Variants in WIPF1 observed in about 807,000 individuals in gnomAD.
The protein encoded by WIPF1 is WAS/WASL-interacting protein family member 1.
Under a neutral mutation model 35.4 loss-of-function variants are expected in WIPF1, and 13 were observed. The observed-to-expected ratio is 0.37, with a 90% CI of 0.24 to 0.58. WIPF1 has a LOEUF of 0.58. Ranked by LOEUF, WIPF1 falls within the 20% of genes least tolerant of loss-of-function variation. The pLI, the probability that WIPF1 is intolerant of heterozygous loss-of-function variation, is 0.74. For missense variants in WIPF1, 591 were observed against 667.0 expected, an observed-to-expected ratio of 0.89 and a Z score of 1.25; for synonymous variants, 267 against 266.3, an observed-to-expected ratio of 1.00 and a Z score of -0.02.
At chr2:174,657,424 C>A (rs748273850) in intron 1 of WIPF1, among the ~76,000 whole-genome samples, 1 of 152,118 alleles carries the variant, frequency 6.6e-6, no homozygotes, top group Non-Finnish European at 1.5e-5. Flanking sequence ...CAGGAACAAG[C>A]CAGCGGCTTG....
chr2:174,674,182 A>G (rs1391909266), intron 1 of WIPF1, among the ~76,000 whole-genome samples: 1 of 152,236 alleles, frequency 6.6e-6, no homozygotes, highest in East Asian at 1.9e-4. Context: ...AATAAGCAGG[A>G]GCAATGAGCG....
At chr2:174,584,433 G>T (rs1221623430) in intron 2 of WIPF1, among the ~76,000 whole-genome samples, 2 of 152,174 alleles carry the variant, frequency 1.3e-5, no homozygotes, top group African/African-American at 4.8e-5. Flanking sequence ...CCAAGCCTCA[G>T]TTTCCCCATG....
At chr2:174,643,423 G>A (rs929731648) in intron 1 of WIPF1, among the ~76,000 whole-genome samples, 1 of 149,006 alleles carries the variant, frequency 6.7e-6, no homozygotes, top group African/African-American at 2.6e-5. Context: ...TTGTGTGTGT[G>A]TGTGTGTGAG....
At chr2:174,642,547 C>T (rs1687320442) in intron 1 of WIPF1, among the ~76,000 whole-genome samples, 1 of 151,996 alleles carries the variant, frequency 6.6e-6, no homozygotes, top group African/African-American at 2.4e-5. Context: ...AGGGGTTTCA[C>T]TGTGTTAGCC....
intron 1 of WIPF1, among the ~76,000 whole-genome samples, chr2:174,663,287 G>T (rs1241230103): frequency 2.6e-5 from 4 of 152,112 alleles, no homozygotes; most frequent in Admixed American, 2.6e-4. Flanking sequence ...ACCTCCAAGG[G>T]GTGCAGAGGA....
At chr2:174,566,263 A>C (rs1684656399) in intron 7 of WIPF1, 1 of 152,192 alleles carries the variant, frequency 6.6e-6, no homozygotes, top group Admixed American at 6.5e-5. Flanking sequence ...CAAATTCTCA[A>C]AGAGCTGTAA....
intron 4 of WIPF1, 51 bp from the exon 5 acceptor site, chr2:174,572,497 A>C (rs1263477353): frequency 6.2e-7 from 1 of 1,608,938 alleles, no homozygotes; most frequent in East Asian, 2.2e-5. Context: ...ACCCTGAAGA[A>C]ATCAGAGAGC....
In WIPF1 at chr2:174,561,975, T is replaced by C; in HGVS notation, c.*572A>G. The C allele has an allele frequency of 7.6e-7, 1 of 1,313,214 alleles. No homozygotes were observed. Among genetic ancestry groups the C allele is most frequent in the Non-Finnish European group, 1.0e-6 (1 of 956,794 alleles). 81.3% of individuals were successfully genotyped at this position (1,313,214 alleles called of 1,614,324 possible). On this transcript the variant is annotated 3_prime_UTR_variant, in exon 8 of 8. Transcript: ENST00000679041. ...GCATATTAACTTCACTTGTTTAAAA[T>C]ATATTAGAAATGTAAAAATTGTATA... is the stretch of plus-strand genomic sequence containing the variant.
chr2:174,576,230 C>CAAAAAAAAAAAAAAAAAAAAAAAA (rs66562213), intron 3 of WIPF1, among the ~76,000 whole-genome samples: 4 of 98,958 alleles, frequency 4.0e-5, no homozygotes, highest in African/African-American at 1.7e-4. Flanking sequence ...TGCACTCCAG[C>CAAAAAAAAAAAAAAAAAAAAAAAA]AAAAAAAAAA....
At chr2:174,633,714 G>A (rs1239819907) in intron 1 of WIPF1, among the ~76,000 whole-genome samples, 4 of 152,162 alleles carry the variant, frequency 2.6e-5, no homozygotes, top group African/African-American at 7.2e-5. Context: ...CCCTCTAGCC[G>A]TCTTTCTGGC....
intron 1 of WIPF1, among the ~76,000 whole-genome samples, chr2:174,657,564 C>T (rs370305912): frequency 1.3e-5 from 2 of 152,180 alleles, no homozygotes; most frequent in Admixed American, 6.5e-5. Context: ...ACATGAACTC[C>T]TTTCAAACAT....
At chr2:174,636,722 C>G (rs1364574672) in intron 1 of WIPF1, among the ~76,000 whole-genome samples, 1 of 152,128 alleles carries the variant, frequency 6.6e-6, no homozygotes, top group Non-Finnish European at 1.5e-5. Context: ...AAATACTGGT[C>G]TGGTATTTTG....
intron 1 of WIPF1, among the ~76,000 whole-genome samples, chr2:174,662,039 A>AGAGT (rs544412037): frequency 8.1e-4 from 123 of 152,296 alleles, no homozygotes; most frequent in African/African-American, 2.8e-3. Context: ...CCAAGTTGAC[A>AGAGT]GAGTCATCCC....
chr2:174,587,257 T>A (rs1685454712), intron 1 of WIPF1, among the ~76,000 whole-genome samples: 1 of 152,132 alleles, frequency 6.6e-6, no homozygotes, highest in Non-Finnish European at 1.5e-5. Flanking sequence ...CCTCATGCGA[T>A]CCTCCTGCCT....
chr2:174,586,349 T>G (rs560935960), intron 1 of WIPF1, among the ~76,000 whole-genome samples: 1 of 152,304 alleles, frequency 6.6e-6, no homozygotes, highest in South Asian at 2.1e-4. Context: ...AGAAATGCAT[T>G]TCATTTAGAA....
chr2:174,639,236 G>T (rs146303876), intron 1 of WIPF1, among the ~76,000 whole-genome samples: 3 of 152,240 alleles, frequency 2.0e-5, no homozygotes, highest in Admixed American at 6.5e-5. Flanking sequence ...CTTCTTTTGA[G>T]AAATGTCTAC....
In WIPF1 at chr2:174,642,872, T is replaced by C. The variant is rs943750637; in HGVS notation, c.-39+39902A>G. 3.9e-4 allele frequency among the ~76,000 whole-genome samples: 58 copies of C among 149,636 alleles called. 5 individuals are homozygous for C. Among genetic ancestry groups the C allele is most frequent in the African/African-American group, 1.2e-3 (48 of 39,000 alleles). ...CTTTGTTTTGCTTTATTTTATTAGC[T>C]TCTTAAGTCACAATCTTATTTTTTC... is the stretch of plus-strand genomic sequence containing the variant. On this transcript the variant is annotated intron_variant, in intron 1 of 8. Transcript: ENST00000272746.
At chr2:174,635,171 G>A (rs897680986) in intron 1 of WIPF1, among the ~76,000 whole-genome samples, 3 of 152,234 alleles carry the variant, frequency 2.0e-5, no homozygotes, top group African/African-American at 7.2e-5. Flanking sequence ...CTGTCAGACA[G>A]TGTGCCCCAA....
chr2:174,663,449 T>C (rs1479675057), intron 1 of WIPF1, among the ~76,000 whole-genome samples: 1 of 152,138 alleles, frequency 6.6e-6, no homozygotes, highest in Non-Finnish European at 1.5e-5. Context: ...AACATTATGG[T>C]CCCCTCCACG....
Sources: allele counts gnomAD v4.1 joint callset (sites outside exome capture counted in the v4.1 genomes callset), GRCh38; gene constraint gnomAD v4.1.1; transcripts MANE v1.5; gene names NCBI Gene and HGNC (gene_info 2026-07-23, HGNC 2026-07-21).